The following MORC1 variants were observed in gnomAD, a reference collection of about 807,000 sequenced individuals.
The protein encoded by MORC1 is MORC family CW-type zinc finger 1.
MORC1 carries 59 observed loss-of-function variants against 134.9 expected under a neutral mutation model. That is an observed-to-expected ratio of 0.44 (90% CI 0.35 to 0.54). The LOEUF (loss-of-function observed/expected upper bound fraction) is 0.54. Among genes scored for constraint, MORC1 ranks in the 20% least tolerant of loss-of-function variants. MORC1 has a pLI of 0.00. For missense variants in MORC1, 947 were observed against 1,134.5 expected (o/e 0.83, Z 2.37); for synonymous variants, 395 against 391.7 (o/e 1.01, Z -0.10).
At chr3:109,012,349 T>C (rs1477535569) in intron 17 of MORC1, among the ~76,000 whole-genome samples, 2 of 152,224 alleles carry the variant, frequency 1.3e-5, no homozygotes, top group Non-Finnish European at 2.9e-5. Context: ...TAATTACAGT[T>C]TTATTATGAG....
At chr3:109,002,278 A>G (rs1331813341) in intron 20 of MORC1, among the ~76,000 whole-genome samples, 1 of 152,340 alleles carries the variant, frequency 6.6e-6, no homozygotes, top group African/African-American at 2.4e-5. Flanking sequence ...GTCAGGCACT[A>G]GATGGAACAA....
At chr3:109,069,577 A>G (rs963331375) in intron 9 of MORC1, 55 bp downstream of exon 9, 12 of 1,474,728 alleles carry the variant, frequency 8.1e-6, no homozygotes, top group East Asian at 2.3e-5. Context: ...TTTGGGGAGC[A>G]TATCAATTTT....
At chr3:108,998,890 A>G (rs1167855476) in intron 21 of MORC1, among the ~76,000 whole-genome samples, 1 of 152,198 alleles carries the variant, frequency 6.6e-6, no homozygotes, top group African/African-American at 2.4e-5. Context: ...TTACCTAAAA[A>G]GACAATATTT....
intron 27 of MORC1, among the ~76,000 whole-genome samples, chr3:108,959,879 T>C (rs1234017449): frequency 6.6e-6 from 1 of 152,176 alleles, no homozygotes; most frequent in Non-Finnish European, 1.5e-5. Context: ...TCTGCTGCAA[T>C]TGAAGCAAGA....
chr3:109,079,484 T>C (rs1025440295), intron 8 of MORC1, among the ~76,000 whole-genome samples: 6 of 152,040 alleles, frequency 3.9e-5, no homozygotes, highest in African/African-American at 1.4e-4. Context: ...CAAAATGTAC[T>C]CTATAAACTG....
At chr3:108,992,137 G>A (rs2107491311) in intron 21 of MORC1, among the ~76,000 whole-genome samples, 1 of 152,124 alleles carries the variant, frequency 6.6e-6, no homozygotes, top group South Asian at 2.1e-4. Flanking sequence ...GTCTTTCAAA[G>A]CTCTTTTCAA....
intron 20 of MORC1, among the ~76,000 whole-genome samples, chr3:109,004,062 C>T (rs1948478147): frequency 6.6e-6 from 1 of 151,184 alleles, no homozygotes. Flanking sequence ...AGCGAGACTT[C>T]GTCTCAAAAA....
Position 109,003,986 on chromosome 3 carries a change from A to G in MORC1, c.2085+831T>C, listed in dbSNP as rs114233447. ...ATTTCTATAATGTAACTACTATTCA[A>G]AATAATTCCTTTTGAAGCTTGCAGT... On this transcript the variant is annotated intron_variant, in intron 20 of 27. Transcript: ENST00000232603. Among the ~76,000 whole-genome samples the G allele has an allele frequency of 5.1e-3, 778 of 152,326 alleles. 17 individuals are homozygous for G. Among genetic ancestry groups the G allele is most frequent in the African/African-American group, 0.018 (747 of 41,582 alleles).
intron 8 of MORC1, among the ~76,000 whole-genome samples, chr3:109,088,547 A>C (rs569821162): frequency 6.6e-6 from 1 of 152,284 alleles, no homozygotes; most frequent in East Asian, 1.9e-4. Flanking sequence ...GCAATTATTA[A>C]AATGTTGAAA....
At chr3:109,031,121 A>T (rs1949232102) in intron 16 of MORC1, among the ~76,000 whole-genome samples, 1 of 152,170 alleles carries the variant, frequency 6.6e-6, no homozygotes, top group Non-Finnish European at 1.5e-5. Flanking sequence ...GTTGAAGGTA[A>T]GGGAAACTGC....
chr3:109,060,986 TA>T lies in MORC1; in HGVS notation c.966+1001del, dbSNP rs891988682. On this transcript the variant is annotated intron_variant, in intron 11 of 27. Transcript: ENST00000232603. ...CAATAAGATAGGTTTACCCTTAATT[TA>T]AAAAAAAATGAAAAAAAAAAACTAA... 7.7e-4 allele frequency among the ~76,000 whole-genome samples: 110 copies of T among 143,534 alleles called. 1 individual carries two copies. In the East Asian group the frequency reaches 0.016, roughly 20 times the overall value. 94.2% of individuals were successfully genotyped at this position (143,534 alleles called of 152,430 possible). A position where few individuals can be genotyped will look rare whatever the true frequency, so the allele number is the denominator to read the frequency against.
Position 109,069,613 on chromosome 3 carries a change from C to T in MORC1, c.815+19G>A. ...ATAAATAAAAACTCTGTGAAGATAA[C>T]TGAAGAAAGATGAGTTACCTGGGTC... On this transcript the variant is annotated intron_variant, in intron 9 of 27. Coordinates refer to ENST00000232603, the MANE Select transcript of MORC1 (RefSeq NM_014429.4). The T allele has an allele frequency of 6.4e-7, 1 of 1,551,970 alleles. No homozygotes were observed. Among genetic ancestry groups the T allele is most frequent in the Non-Finnish European group, 8.8e-7 (1 of 1,142,710 alleles).
chr3:109,086,667 G>C (rs1950621730), intron 8 of MORC1, among the ~76,000 whole-genome samples: 1 of 151,990 alleles, frequency 6.6e-6, no homozygotes, highest in Non-Finnish European at 1.5e-5. Flanking sequence ...GACTGACATT[G>C]TTCCCAAAAG....
intron 3 of MORC1, chr3:109,110,307 T>G (rs1017390158): frequency 6.3e-6 from 1 of 158,458 alleles, no homozygotes; most frequent in South Asian, 1.9e-4. Context: ...CAATAAATAC[T>G]TGATGACTAC....
In MORC1 at chr3:109,061,903, T is replaced by C. The variant is rs147802403; in HGVS notation, c.966+85A>G. 246 of 1,184,576 alleles carry C rather than the reference T, an allele frequency of 2.1e-4. 1 individual carries two copies. In the African/African-American group the frequency reaches 3.4e-3, roughly 16 times the overall value. The allele number at this position is 1,184,576 out of a possible 1,614,324, so 73.4% of individuals were successfully genotyped here. On this transcript the variant is annotated intron_variant, in intron 11 of 27. Transcript: ENST00000232603. The stretch of plus-strand genomic sequence containing the variant: ...TATCTGTGCTTAAAAGTTTAGGAAG[T>C]AGATGATAAGAGACAACTATGCACA...
At chr3:109,049,528 GT>G (rs1949772006) in intron 14 of MORC1, among the ~76,000 whole-genome samples, 1 of 152,048 alleles carries the variant, frequency 6.6e-6, no homozygotes, top group South Asian at 2.1e-4. Flanking sequence ...TTAGTTAGAA[GT>G]TAGCATTAGA....
chr3:108,965,938 G>A (rs925423568), intron 26 of MORC1, among the ~76,000 whole-genome samples: 1 of 152,100 alleles, frequency 6.6e-6, no homozygotes, highest in East Asian at 1.9e-4. Flanking sequence ...AGTAAACTAC[G>A]TTTTTATCAA....
rs1257517889 is a variant in MORC1 at position 108,971,378 on chromosome 3, A to G, written c.2502T>C (p.Pro834=). The change falls in exon 25 of 28, where the codon CCT becomes CCC. Residue 834 remains proline, a synonymous_variant. Transcript: ENST00000232603. The part of the protein sequence containing the change: ...KLREILLYFF[P]EHQLPSELEE... ...CCAATTCTGATGGTAGCTGATGCTC[A>G]GGAAAAAAATACAGAAGAATCTCCC... The G allele has an allele frequency of 1.9e-6, 3 of 1,613,406 alleles. No individual in the cohort carries two copies. Among genetic ancestry groups the G allele is most frequent in the Non-Finnish European group, 2.5e-6 (3 of 1,179,460 alleles).
chr3:108,991,333 T>C (rs1296404182), intron 21 of MORC1, among the ~76,000 whole-genome samples: 2 of 152,176 alleles, frequency 1.3e-5, no homozygotes, highest in Non-Finnish European at 2.9e-5. Flanking sequence ...GTGGTAGCTA[T>C]GGAGGTGGTA....
Sources: gnomAD v4.1 joint callset for allele counts (sites outside exome capture counted in the v4.1 genomes callset) on GRCh38, gnomAD v4.1.1 for gene constraint, MANE v1.5 for transcripts, NCBI Gene and HGNC (gene_info 2026-07-23, HGNC 2026-07-21) for gene names.